Variants in SP140L observed in about 807,000 individuals in gnomAD.
SP140L encodes nuclear body protein SP140-like protein.
In SP140L, 64 loss-of-function variants were observed where a neutral mutation model predicts 84.3. The ratio of observed to expected loss-of-function variants is 0.76; its 90% CI spans 0.62 to 0.94. SP140L has a LOEUF of 0.94. Ranked by LOEUF, SP140L falls within the 40% of genes least tolerant of loss-of-function variation. The pLI is 0.00. For synonymous variants in SP140L, 242 were observed against 236.9 expected (o/e 1.02, Z -0.20); for missense variants, 628 against 692.5 (o/e 0.91, Z 1.05).
At chr2:230,373,720 C>T (rs1262290718) in intron 7 of SP140L, among the ~76,000 whole-genome samples, 2 of 152,188 alleles carry the variant, frequency 1.3e-5, no homozygotes, top group Non-Finnish European at 2.9e-5. Flanking sequence ...GCCCATGAGT[C>T]AAAGAGTAAT....
At chr2:230,371,418 G>A (rs1417182184) in intron 6 of SP140L, among the ~76,000 whole-genome samples, 180 bp from the exon 7 acceptor site, 2 of 152,148 alleles carry the variant, frequency 1.3e-5, no homozygotes, top group East Asian at 3.8e-4. Context: ...AGAAGACCCA[G>A]GGCCCATCCT....
chr2:230,345,289 G>A (rs1432396703), intron 2 of SP140L, among the ~76,000 whole-genome samples: 1 of 152,106 alleles, frequency 6.6e-6, no homozygotes, highest in African/African-American at 2.4e-5. Context: ...TACTTAATGT[G>A]TATTTTGTCC....
intron 7 of SP140L, among the ~76,000 whole-genome samples, chr2:230,378,817 G>T (rs1212896638): frequency 2.6e-5 from 4 of 152,144 alleles, no homozygotes; most frequent in Admixed American, 2.6e-4. Flanking sequence ...GCAAAACTTT[G>T]TTGTTTAAAT....
At chr2:230,375,937 C>T (rs58646765) in intron 7 of SP140L, among the ~76,000 whole-genome samples, 30,958 of 151,978 alleles carry the variant, frequency 0.2, 3,650 homozygotes, top group South Asian at 0.44. Flanking sequence ...CTTATTTCTG[C>T]GTTTGTTGCC....
rs191748296 is a variant in SP140L, at chr2:230,335,530, T to C, written c.107+6699T>C. ...CGTCCTCTGTCCTTGGGTTGTTTAC[T>C]CTGATCCTATCACATTGTGGTTAGA... On this transcript the variant is annotated intron_variant, in intron 2 of 18. Transcript: ENST00000415673. Among the ~76,000 whole-genome samples the C allele has an allele frequency of 2.0e-5, 3 of 152,384 alleles. No homozygotes were observed. The East Asian group carries it at 5.8e-4, about 29-fold the overall frequency.
At chr2:230,396,232 A>G (rs12476964) in intron 13 of SP140L, among the ~76,000 whole-genome samples, 24,228 of 152,278 alleles carry the variant, frequency 0.16, 2,176 homozygotes, top group South Asian at 0.39. Flanking sequence ...ATTGGGCTGA[A>G]CAGTAGTACT....
chr2:230,377,105 A>G (rs778244255), intron 7 of SP140L, among the ~76,000 whole-genome samples: 2 of 152,322 alleles, frequency 1.3e-5, no homozygotes, highest in South Asian at 4.1e-4. Context: ...CATGATATGT[A>G]TCATTTCCAT....
intron 18 of SP140L, among the ~76,000 whole-genome samples, chr2:230,402,324 A>G (rs1298254483): frequency 6.6e-6 from 1 of 152,232 alleles, no homozygotes; most frequent in Non-Finnish European, 1.5e-5. Flanking sequence ...AACCCACTGA[A>G]ATAAGCAACC....
intron 7 of SP140L, among the ~76,000 whole-genome samples, chr2:230,377,439 C>A (rs1288173576): frequency 6.6e-6 from 1 of 152,158 alleles, no homozygotes; most frequent in Non-Finnish European, 1.5e-5. Context: ...TAACATAATG[C>A]TTTTGAGATA....
intron 9 of SP140L, 116 bp from the exon 10 acceptor site, chr2:230,388,443 T>C (rs1575530890): frequency 2.7e-6 from 2 of 747,688 alleles, no homozygotes; most frequent in African/African-American, 3.6e-5. Flanking sequence ...ATCTTTTTAT[T>C]TATATATTAA....
At chr2:230,334,133 C>T (rs988467697) in intron 2 of SP140L, among the ~76,000 whole-genome samples, 1 of 152,192 alleles carries the variant, frequency 6.6e-6, no homozygotes, top group Non-Finnish European at 1.5e-5. Flanking sequence ...AGGAATGCCT[C>T]TCGTTGACTG....
intron 2 of SP140L, among the ~76,000 whole-genome samples, chr2:230,343,339 T>C (rs1288723460): frequency 6.8e-6 from 1 of 147,886 alleles, no homozygotes; most frequent in Admixed American, 6.8e-5. Flanking sequence ...TGGTGTTTGG[T>C]TTTCTGTTCC....
chr2:230,344,563 GATGCTAGCT>G (rs766739136), intron 2 of SP140L, among the ~76,000 whole-genome samples: 6 of 152,202 alleles, frequency 3.9e-5, no homozygotes, highest in Non-Finnish European at 8.8e-5. Flanking sequence ...CTGCCACCAT[GATGCTAGCT>G]GGTTATTTTG....
intron 2 of SP140L, among the ~76,000 whole-genome samples, chr2:230,340,009 G>A (rs865959986): frequency 0.078 from 10,355 of 133,580 alleles, 401 homozygotes; most frequent in African/African-American, 0.11. Context: ...TATTAGGTCC[G>A]CTTGGTGCAG....
intron 2 of SP140L, among the ~76,000 whole-genome samples, chr2:230,347,789 A>G (rs1481561942): frequency 5.3e-5 from 8 of 152,194 alleles, no homozygotes; most frequent in African/African-American, 1.4e-4. Context: ...CTGACTAGGC[A>G]CCCAAGCCAG....
intron 3 of SP140L, among the ~76,000 whole-genome samples, 188 bp downstream of exon 3, chr2:230,358,155 G>A (rs1164975629): frequency 1.3e-5 from 2 of 152,038 alleles, no homozygotes; most frequent in Non-Finnish European, 2.9e-5. Flanking sequence ...TGGAGAAACT[G>A]GAACGGAAAC....
At chr2:230,385,528 T>A (rs2061547413) in intron 9 of SP140L, among the ~76,000 whole-genome samples, 2 of 152,322 alleles carry the variant, frequency 1.3e-5, no homozygotes, top group African/African-American at 4.8e-5. Flanking sequence ...TCCTCTGTGT[T>A]TTATCTGATT....
chr2:230,359,213 C>A, intron 4 of SP140L, 81 bp downstream of exon 4: 1 of 1,242,646 alleles, frequency 8.0e-7, no homozygotes, highest in Non-Finnish European at 1.2e-6. Context: ...CTACCATGTG[C>A]GATACATTGT....
At chr2:230,385,049 G>C (rs930702276) in intron 8 of SP140L, among the ~76,000 whole-genome samples, 175 bp from the exon 9 acceptor site, 1 of 152,142 alleles carries the variant, frequency 6.6e-6, no homozygotes, top group African/African-American at 2.4e-5. Context: ...TCAATGTACG[G>C]TTAAATTCTG....
Sources: gnomAD v4.1 joint callset for allele counts (sites outside exome capture counted in the v4.1 genomes callset) on GRCh38, gnomAD v4.1.1 for gene constraint, MANE v1.5 for transcripts, NCBI Gene and HGNC (gene_info 2026-07-23, HGNC 2026-07-21) for gene names.